The following LRRC37A2 variants were observed in gnomAD, a reference collection of about 807,000 sequenced individuals.
LRRC37A2 encodes leucine-rich repeat-containing protein 37A2.
LRRC37A2 carries 9 observed loss-of-function variants against 68.8 expected under a neutral mutation model. That is an observed-to-expected ratio of 0.13 (90% CI 0.08 to 0.23). LRRC37A2 has a LOEUF of 0.23. LRRC37A2 is among the 10% of genes least tolerant of loss of function. The pLI is 1.00. For synonymous variants in LRRC37A2, 63 were observed against 367.6 expected (o/e 0.17, Z 9.48); for missense variants, 168 against 950.4 (o/e 0.18, Z 10.82).
At chr17:46,745,737 T>A in the LRRC37A2 span, among the ~76,000 whole-genome samples, 25 of 152,244 alleles carry the variant, frequency 1.6e-4, no homozygotes, top group African/African-American at 5.8e-4. Context: ...TGTATCAGCA[T>A]GTGTGGCCTT....
chr17:47,001,142 G>C, the LRRC37A2 span, among the ~76,000 whole-genome samples: 3 of 152,198 alleles, frequency 2.0e-5, no homozygotes, highest in Admixed American at 2.0e-4. Context: ...GGTGTTCGGG[G>C]ACCAACAAGG....
At chr17:46,940,547 T>A in the LRRC37A2 span, 1 of 1,614,048 alleles carries the variant, frequency 6.2e-7, no homozygotes, top group Non-Finnish European at 8.5e-7. Context: ...GGCTGTCCTG[T>A]CCCCCAGGCA....
chr17:46,826,000 G>C, the LRRC37A2 span, among the ~76,000 whole-genome samples: 1 of 152,224 alleles, frequency 6.6e-6, no homozygotes, highest in Non-Finnish European at 1.5e-5. Flanking sequence ...TCCAGCCTCG[G>C]CAACAAGAGC....
At chr17:46,495,707 T>A in the LRRC37A2 span, among the ~76,000 whole-genome samples, 4 of 149,244 alleles carry the variant, frequency 2.7e-5, no homozygotes, top group East Asian at 3.9e-4. Flanking sequence ...TTTAAAAACA[T>A]ATCTTAGAAT....
chr17:46,894,621 A>T, the LRRC37A2 span, among the ~76,000 whole-genome samples: 1 of 152,186 alleles, frequency 6.6e-6, no homozygotes, highest in South Asian at 2.1e-4. Flanking sequence ...GTGCTGGGAC[A>T]GAGGGCTTGG....
chr17:46,657,976 T>TA, the LRRC37A2 span, among the ~76,000 whole-genome samples: 7 of 67,584 alleles, frequency 1.0e-4, 1 homozygote, highest in East Asian at 4.9e-3. Context: ...ATTTATTTTT[T>TA]TTTTTTTTGG....
At chr17:47,001,035 C>T in the LRRC37A2 span, among the ~76,000 whole-genome samples, 339 of 152,200 alleles carry the variant, frequency 2.2e-3, 1 homozygote, top group Middle Eastern at 0.031. Flanking sequence ...ACTTGGGAGA[C>T]TGAGGCAGAA....
the LRRC37A2 span, chr17:46,923,447 G>C: frequency 7.1e-7 from 1 of 1,413,392 alleles, no homozygotes; most frequent in African/African-American, 1.4e-5. Flanking sequence ...ATGACTCCTG[G>C]GGTCTGCAAG....
At chr17:46,626,279 G>A in the LRRC37A2 span, among the ~76,000 whole-genome samples, 2 of 95,328 alleles carry the variant, frequency 2.1e-5, no homozygotes, top group Non-Finnish European at 3.7e-5. Context: ...CTCAGGAGAG[G>A]AAATGCATCT....
chr17:46,783,461 T>G, the LRRC37A2 span, among the ~76,000 whole-genome samples: 2 of 152,182 alleles, frequency 1.3e-5, no homozygotes, highest in Non-Finnish European at 2.9e-5. Flanking sequence ...ACGTGGAGAT[T>G]AATGAAGCCA....
chr17:46,966,595 T>G, the LRRC37A2 span: 2 of 689,912 alleles, frequency 2.9e-6, no homozygotes, highest in Non-Finnish European at 5.3e-6. Context: ...GAGATCCTCC[T>G]GCATCAGCCT....
At chr17:46,854,973 T>A in the LRRC37A2 span, among the ~76,000 whole-genome samples, 1 of 152,314 alleles carries the variant, frequency 6.6e-6, no homozygotes, top group African/African-American at 2.4e-5. Flanking sequence ...CACTTTCTCA[T>A]ACAGCCATCT....
the LRRC37A2 span, among the ~76,000 whole-genome samples, chr17:46,775,362 C>T: frequency 6.6e-6 from 1 of 152,280 alleles, no homozygotes; most frequent in South Asian, 2.1e-4. Context: ...TGGCCTTGGC[C>T]AATTCGTGGA....
chr17:47,001,961 A>G, the LRRC37A2 span, among the ~76,000 whole-genome samples: 2 of 147,138 alleles, frequency 1.4e-5, no homozygotes, highest in Admixed American at 6.8e-5. Flanking sequence ...CTGGTCTTGA[A>G]CTCCTCGCCT....
the LRRC37A2 span, chr17:46,938,817 G>A: frequency 5.0e-6 from 8 of 1,611,576 alleles, no homozygotes; most frequent in Non-Finnish European, 5.9e-6. Context: ...GTGTGTGTGT[G>A]TGAAAGAGAG....
chr17:46,970,008 T>C, the LRRC37A2 span, among the ~76,000 whole-genome samples: 1 of 152,194 alleles, frequency 6.6e-6, no homozygotes, highest in Non-Finnish European at 1.5e-5. Flanking sequence ...CTCCTGGCTC[T>C]AGCTGACTAC....
the LRRC37A2 span, chr17:46,941,934 A>G: frequency 3.0e-5 from 30 of 985,388 alleles, no homozygotes; most frequent in East Asian, 2.9e-3. Context: ...TCTCCTAGAC[A>G]GAAAGCTTCT....
chr17:46,390,218 T>G, the LRRC37A2 span, among the ~76,000 whole-genome samples: 1 of 104,596 alleles, frequency 9.6e-6, no homozygotes. Context: ...TTAGGGCCCT[T>G]CGCTTATGAC....
chr17:46,717,709 C>T, the LRRC37A2 span, among the ~76,000 whole-genome samples: 4 of 152,128 alleles, frequency 2.6e-5, no homozygotes, highest in African/African-American at 9.7e-5. Flanking sequence ...AAGACTCCAT[C>T]TAAAAAATAA....
Sources: gnomAD v4.1 joint callset for allele counts (sites outside exome capture counted in the v4.1 genomes callset) on GRCh38, gnomAD v4.1.1 for gene constraint, MANE v1.5 for transcripts, NCBI Gene and HGNC (gene_info 2026-07-23, HGNC 2026-07-21) for gene names.